The following MINDY4 variants were observed in gnomAD, a reference collection of about 807,000 sequenced individuals.
MINDY4 encodes MINDY lysine 48 deubiquitinase 4.
In MINDY4, 68 loss-of-function variants were observed where a neutral mutation model predicts 87.0. The ratio of observed to expected loss-of-function variants is 0.78; its 90% CI spans 0.64 to 0.96. The LOEUF (loss-of-function observed/expected upper bound fraction) is 0.96, where lower values mean the gene tolerates loss of function less well. Among genes scored for constraint, MINDY4 ranks in the 40% least tolerant of loss-of-function variants. MINDY4 has a pLI of 0.00. For missense variants in MINDY4, 919 were observed against 928.2 expected (o/e 0.99, Z 0.13); for synonymous variants, 379 against 363.2 (o/e 1.04, Z -0.50).
intron 15 of MINDY4, among the ~76,000 whole-genome samples, chr7:30,879,349 G>A (rs1562564883): frequency 6.6e-6 from 1 of 152,270 alleles, no homozygotes; most frequent in East Asian, 1.9e-4. Context: ...CAGGGGCACG[G>A]CCTTCAGAAA....
At chr7:30,877,367 G>T (rs940179971) in intron 15 of MINDY4, among the ~76,000 whole-genome samples, 1 of 152,160 alleles carries the variant, frequency 6.6e-6, no homozygotes. Flanking sequence ...ACCAGTTGGG[G>T]TCATCCTTCC....
At chr7:30,867,454 T>C (rs1789974710) in intron 13 of MINDY4, among the ~76,000 whole-genome samples, 1 of 152,216 alleles carries the variant, frequency 6.6e-6, no homozygotes, top group African/African-American at 2.4e-5. Flanking sequence ...GTTCATCTCA[T>C]TCAGTTCTCA....
At chr7:30,772,658 T>C (rs1024334259) in intron 1 of MINDY4, among the ~76,000 whole-genome samples, 1 of 152,202 alleles carries the variant, frequency 6.6e-6, no homozygotes, top group Non-Finnish European at 1.5e-5. Context: ...AGTGTCTTTG[T>C]GTGTTTTTTA....
rs554123647 is a variant in MINDY4 at position 30,801,180 on chromosome 7, C to T, written c.1073+9606C>T. On this transcript the variant is annotated intron_variant, in intron 5 of 17. Coordinates refer to ENST00000265299, the MANE Select transcript of MINDY4 (RefSeq NM_032222.3). ...AGGCTTACAGAGGATGTGGCATTTGCGGTTCATTGACTGTTCCCTGCTTCT... is the reference window on the plus strand; with the variant it reads ...AGGCTTACAGAGGATGTGGCATTTGTGGTTCATTGACTGTTCCCTGCTTCT... Among the ~76,000 whole-genome samples the T allele has an allele frequency of 2.5e-3, 382 of 152,294 alleles. 1 individual carries two copies. The highest frequency in any genetic ancestry group is 8.8e-3 in the African/African-American group (364 of 41,544).
At chr7:30,790,225 T>C (rs1182140902) in intron 4 of MINDY4, among the ~76,000 whole-genome samples, 2 of 152,156 alleles carry the variant, frequency 1.3e-5, no homozygotes, top group Non-Finnish European at 2.9e-5. Flanking sequence ...TTTTGGAATT[T>C]ATAATTTTTT....
intron 13 of MINDY4, among the ~76,000 whole-genome samples, chr7:30,869,984 T>C (rs763683473): frequency 6.6e-6 from 1 of 152,206 alleles, no homozygotes; most frequent in African/African-American, 2.4e-5. Flanking sequence ...TCTGGGCATC[T>C]AGGTTTGTAG....
At chr7:30,793,510 C>T (rs1056659784) in intron 5 of MINDY4, among the ~76,000 whole-genome samples, 9 of 151,582 alleles carry the variant, frequency 5.9e-5, no homozygotes, top group African/African-American at 9.7e-5. Flanking sequence ...TGACCTTCCA[C>T]GCTCAGGCAA....
chr7:30,865,031 C>G (rs1789889737), intron 13 of MINDY4, among the ~76,000 whole-genome samples: 1 of 152,138 alleles, frequency 6.6e-6, no homozygotes. Context: ...GGGAGGGGTC[C>G]ATGGGATGCT....
intron 13 of MINDY4, among the ~76,000 whole-genome samples, chr7:30,871,162 G>C (rs571786756): frequency 1.1e-4 from 17 of 152,234 alleles, no homozygotes; most frequent in African/African-American, 4.1e-4. Flanking sequence ...GTGCAGAAGT[G>C]GGGGGGACAG....
At chr7:30,786,212 T>C in intron 4 of MINDY4, 1 of 576,366 alleles carries the variant, frequency 1.7e-6, no homozygotes, top group Non-Finnish European at 3.0e-6. Context: ...AGCTTACCCA[T>C]TTTGTTTGTG....
chr7:30,799,586 A>G (rs879744806), intron 5 of MINDY4, among the ~76,000 whole-genome samples: 12 of 152,230 alleles, frequency 7.9e-5, no homozygotes, highest in African/African-American at 1.7e-4. Flanking sequence ...CCTAAGAACA[A>G]TGGTTCTTAA....
intron 6 of MINDY4, among the ~76,000 whole-genome samples, chr7:30,836,420 G>A (rs897244688): frequency 2.0e-5 from 3 of 152,204 alleles, no homozygotes; most frequent in Non-Finnish European, 4.4e-5. Flanking sequence ...CAACATCCTC[G>A]TGGTATGAAC....
At chr7:30,859,721 G>A (rs1287820840) in intron 13 of MINDY4, among the ~76,000 whole-genome samples, 3 of 152,202 alleles carry the variant, frequency 2.0e-5, no homozygotes, top group Non-Finnish European at 4.4e-5. Flanking sequence ...AGGCCTCGCT[G>A]TAGACCAAGG....
At chr7:30,784,706 T>G (rs1787103341) in intron 3 of MINDY4, among the ~76,000 whole-genome samples, 2 of 152,196 alleles carry the variant, frequency 1.3e-5, no homozygotes, top group African/African-American at 4.8e-5. Context: ...CAGACTCAGG[T>G]GCTGCCTTCT....
rs182214516 is a variant in MINDY4 at position 30,806,221 on chromosome 7, C to T, written c.1073+14647C>T. Among the ~76,000 whole-genome samples, 917 of 152,242 alleles carry T rather than the reference C, an allele frequency of 6.0e-3. 2 individuals are homozygous for T. The highest frequency in any genetic ancestry group is 0.01 in the Non-Finnish European group (702 of 68,018). ...TATTCTGAGACTTTGAAACTTGGCT[C>T]GCCATCTTTCACATATTTAGTAACT... On this transcript the variant is annotated intron_variant, in intron 5 of 17. Coordinates refer to ENST00000265299, the MANE Select transcript of MINDY4 (RefSeq NM_032222.3).
chr7:30,865,243 C>G (rs536842005), intron 13 of MINDY4, among the ~76,000 whole-genome samples: 1 of 152,334 alleles, frequency 6.6e-6, no homozygotes, highest in African/African-American at 2.4e-5. Context: ...GGGTAAGTGT[C>G]CTTCCTACCC....
At chr7:30,792,144 C>T (rs1036943638) in intron 5 of MINDY4, among the ~76,000 whole-genome samples, 1 of 152,196 alleles carries the variant, frequency 6.6e-6, no homozygotes, top group Non-Finnish European at 1.5e-5. Context: ...TATTTTTCAT[C>T]CTATCCTTAC....
chr7:30,836,066 C>G (rs1279807049), intron 6 of MINDY4, among the ~76,000 whole-genome samples: 1 of 152,182 alleles, frequency 6.6e-6, no homozygotes, highest in African/African-American at 2.4e-5. Flanking sequence ...CTCCTCTAAG[C>G]CTCAGTTTCC....
At chr7:30,824,472 GT>G (rs1380984764) in intron 5 of MINDY4, among the ~76,000 whole-genome samples, 3 of 152,130 alleles carry the variant, frequency 2.0e-5, no homozygotes, top group Admixed American at 6.5e-5. Context: ...ATAGCAGTAA[GT>G]GATCAGTATC....
Sources: allele counts gnomAD v4.1 joint callset (sites outside exome capture counted in the v4.1 genomes callset), GRCh38; gene constraint gnomAD v4.1.1; transcripts MANE v1.5; gene names NCBI Gene and HGNC (gene_info 2026-07-23, HGNC 2026-07-21).